PKHD1L1: variants seen among roughly 807,000 people sequenced by gnomAD.
PKHD1L1 encodes the protein fibrocystin-L.
In PKHD1L1, 434 loss-of-function variants were observed where a neutral mutation model predicts 462.9. The ratio of observed to expected loss-of-function variants is 0.94; its 90% CI spans 0.87 to 1.02. The LOEUF is 1.02. PKHD1L1 is among the 50% of genes least tolerant of loss of function. The pLI, the probability that PKHD1L1 is intolerant of heterozygous loss-of-function variation, is 0.00. For missense variants in PKHD1L1, 5,202 were observed against 5,096.1 expected (o/e 1.02, Z -0.63); for synonymous variants, 1,781 against 1,750.0 (o/e 1.02, Z -0.44).
intron 14 of PKHD1L1, among the ~76,000 whole-genome samples, chr8:109,402,124 T>C (rs1470990736): frequency 1.3e-5 from 2 of 152,200 alleles, no homozygotes; most frequent in Non-Finnish European, 2.9e-5. Context: ...ATCATCCAAA[T>C]ACCAGATAAT....
At chr8:109,384,566 A>G (rs1157350865) in intron 5 of PKHD1L1, among the ~76,000 whole-genome samples, 3 of 152,026 alleles carry the variant, frequency 2.0e-5, no homozygotes, top group Non-Finnish European at 4.4e-5. Context: ...TAAAAAATTG[A>G]TTTTCAATGG....
At chr8:109,466,087 GT>G (rs1349962840) in intron 49 of PKHD1L1, among the ~76,000 whole-genome samples, 1 of 152,178 alleles carries the variant, frequency 6.6e-6, no homozygotes, top group Non-Finnish European at 1.5e-5. Context: ...CAAAAGTTGA[GT>G]TTTCAACCAC....
rs774988007 is a variant in PKHD1L1, at chr8:109,438,971, G to A, written c.3835G>A (p.Gly1279Arg). 9 of 1,613,488 alleles carry A rather than the reference G, an allele frequency of 5.6e-6. No individual in the cohort carries two copies. The East Asian group carries it at 2.0e-4, about 36-fold the overall frequency. ...LTQNMAVYVG[G>R]KTCQILHWNF... ...ACAAAACATGGCGGTGTATGTTGGA[G>A]GAAAAACCTGCCAGATTCTTCACTG... is the stretch of plus-strand genomic sequence containing the variant. Residue 1279 changes from glycine to arginine, a missense_variant, in exon 32 of 78, where the codon GGA becomes AGA. By Grantham distance (125) the Gly-to-Arg change is moderately radical (BLOSUM62 -2). Coordinates refer to ENST00000378402, the MANE Select transcript of PKHD1L1 (RefSeq NM_177531.6).
Position 109,454,233 on chromosome 8 carries a change from G to C in PKHD1L1, c.6731G>C (p.Gly2244Ala), listed in dbSNP as rs1335739534. The change falls in exon 44 of 78, where the codon GGA (glycine) becomes GCA (alanine). Residue 2244 changes from glycine (G) to alanine (A), a missense_variant. Physicochemically the swap from Gly to Ala is moderately conservative, Grantham distance 60. Around this residue, in one of 3 missense-constraint regions of PKHD1L1, gnomAD observed 4,497 missense variants for 4,336.8 expected, o/e 1.04. Coordinates refer to ENST00000378402, the MANE Select transcript of PKHD1L1 (RefSeq NM_177531.6). ...LQAENILITD[G>A]GVLQIGTETS... ...GCAGAAAATATTCTAATTACAGATG[G>C]AGGTGTTCTTCAGGTATTCAAAAGA... 4.4e-6 allele frequency: 7 copies of C among 1,603,818 alleles called. No individual in the cohort carries two copies. The highest frequency in any genetic ancestry group is 6.0e-6 in the Non-Finnish European group (7 of 1,174,728).
chr8:109,415,178 T>C (rs577813707), intron 21 of PKHD1L1, among the ~76,000 whole-genome samples: 1 of 151,772 alleles, frequency 6.6e-6, no homozygotes, highest in South Asian at 2.1e-4. Context: ...AATTTTTTTG[T>C]TTTTGTAGAG....
rs1485902588 is a variant in PKHD1L1 at position 109,456,301 on chromosome 8, C to T, written c.6914C>T (p.Thr2305Ile). ...VPVTWTRLAH[T>I]AKAGERILIL... The stretch of plus-strand genomic sequence containing the variant: ...GTGACCTGGACTCGCTTGGCTCATA[C>T]TGCAAAGGCAGGGGAAAGAATTTTA... Residue 2305 changes from threonine to isoleucine, a missense_variant, in exon 46 of 78, where the codon ACT (threonine) becomes ATT (isoleucine). Transcript: ENST00000378402. 5 of 1,612,672 alleles carry T rather than the reference C, an allele frequency of 3.1e-6. No individual in the cohort carries two copies. In the African/African-American group the frequency reaches 4.0e-5, roughly 13 times the overall value.
At chr8:109,392,943 C>A (rs1812782081) in intron 9 of PKHD1L1, among the ~76,000 whole-genome samples, 1 of 152,072 alleles carries the variant, frequency 6.6e-6, no homozygotes, top group African/African-American at 2.4e-5. Context: ...TTGAGAAATG[C>A]CTAGTCATTA....
intron 46 of PKHD1L1, 101 bp downstream of exon 46, chr8:109,456,492 C>G (rs1816834985): frequency 8.7e-7 from 1 of 1,149,186 alleles, no homozygotes; most frequent in African/African-American, 1.6e-5. Flanking sequence ...TTGGTTTAAA[C>G]TTGAAATCTC....
Position 109,445,017 on chromosome 8 carries a change from TG to T in PKHD1L1, c.5149del (p.Ala1717LeufsTer8). The T allele has an allele frequency of 6.2e-7, 1 of 1,614,020 alleles. No homozygotes were observed. Among genetic ancestry groups the T allele is most frequent in the Non-Finnish European group, 8.5e-7 (1 of 1,179,890 alleles). Reference protein sequence around the residue: ...YTAIECETSPAAQQLVDVDLL... With the variant: ...YTAIECETSPXAQQLVDVDLL... ...CGGCCATTGAATGTGAAACATCCCC[TG>T]CTGCCCAACAGCTTGTGGATGTAGA... On this transcript the variant is annotated frameshift_variant, in exon 38 of 78. Transcript: ENST00000378402. LOFTEE classifies it high-confidence loss of function.
intron 65 of PKHD1L1, among the ~76,000 whole-genome samples, chr8:109,497,521 C>T (rs1819169294): frequency 6.6e-6 from 1 of 150,974 alleles, no homozygotes; most frequent in African/African-American, 2.4e-5. Flanking sequence ...CAAACTCTGC[C>T]TCCCGGGTTC....
rs756569343 is a variant in PKHD1L1 at position 109,445,010 on chromosome 8, C to T, written c.5141C>T (p.Thr1714Ile). Residue 1714 changes from threonine (T) to isoleucine (I), a missense_variant, in exon 38 of 78, where the codon ACA becomes ATA. By Grantham distance (89) the Thr-to-Ile change is moderately conservative (BLOSUM62 -1). Transcript: ENST00000378402. ...SVNYTAIECE[T>I]SPAAQQLVDV... ...AATTATACGGCCATTGAATGTGAAACATCCCCTGCTGCCCAACAGCTTGTG... is the reference window on the plus strand; with the variant it reads ...AATTATACGGCCATTGAATGTGAAATATCCCCTGCTGCCCAACAGCTTGTG... 17 of 1,613,816 alleles carry T rather than the reference C, an allele frequency of 1.1e-5. No homozygotes were observed. Among genetic ancestry groups the T allele is most frequent in the East Asian group, 8.9e-5 (4 of 44,884 alleles).
chr8:109,497,461 C>T (rs375584631), intron 65 of PKHD1L1, among the ~76,000 whole-genome samples, 189 bp downstream of exon 65: 101 of 133,130 alleles, frequency 7.6e-4, no homozygotes, highest in African/African-American at 2.6e-3. Context: ...GAGATGGAGT[C>T]TCGCTCCGTA....
rs1169267993 is a variant in PKHD1L1, at chr8:109,364,619, T to C, written c.146T>C (p.Leu49Pro). The change falls in exon 2 of 78, where the codon CTG (leucine) becomes CCG (proline). Residue 49 changes from leucine (L) to proline (P), a missense_variant. Leu to Pro is a moderately conservative substitution (Grantham distance 98, BLOSUM62 -3). Around this residue, in one of 3 missense-constraint regions of PKHD1L1, gnomAD observed 4,497 missense variants for 4,336.8 expected, o/e 1.04. Transcript: ENST00000378402. Reference sequence around the variant, plus strand: ...GGCAGTATAAATGGAGCAACAAGGCTGACTATAAGAGGGGAAGGTATCGTT... The same window carrying C: ...GGCAGTATAAATGGAGCAACAAGGCCGACTATAAGAGGGGAAGGTATCGTT... ...KYGSINGATR[L>P]TIRGEGFSQA... 1 of 1,565,108 alleles carries C rather than the reference T, an allele frequency of 6.4e-7. No individual in the cohort carries two copies. Among genetic ancestry groups the C allele is most frequent in the South Asian group, 1.1e-5 (1 of 87,828 alleles).
chr8:109,447,333 A>G (rs760223266), intron 38 of PKHD1L1, among the ~76,000 whole-genome samples: 1 of 152,198 alleles, frequency 6.6e-6, no homozygotes, highest in African/African-American at 2.4e-5. Context: ...AATCCTCACT[A>G]TGGTCAATTA....
chr8:109,486,740 G>A lies in PKHD1L1; in HGVS notation c.9799G>A (p.Asp3267Asn). The change falls in exon 59 of 78, where the codon GAT becomes AAT. Residue 3267 changes from aspartate to asparagine, a missense_variant. By Grantham distance (23) the Asp-to-Asn change is conservative. Around this residue, in one of 3 missense-constraint regions of PKHD1L1, gnomAD observed 4,497 missense variants for 4,336.8 expected, o/e 1.04. Coordinates refer to ENST00000378402, the MANE Select transcript of PKHD1L1 (RefSeq NM_177531.6). ...TAGGAACATCAAAATAGTTGGTGAA[G>A]ATTACCCCGGTTGGTCTGAGGACTC... ...LSRNIKIVGE[D>N]YPGWSEDSFG... 1 of 1,612,524 alleles carries A rather than the reference G, an allele frequency of 6.2e-7. No homozygotes were observed. The highest frequency in any genetic ancestry group is 8.5e-7 in the Non-Finnish European group (1 of 1,178,888).
At chr8:109,388,403 A>T (rs909927564) in intron 6 of PKHD1L1, 94 bp from the exon 7 acceptor site, 1 of 887,584 alleles carries the variant, frequency 1.1e-6, no homozygotes, top group East Asian at 2.6e-5. Flanking sequence ...GAGAAAAAAA[A>T]TTTAAGGGAA....
intron 23 of PKHD1L1, among the ~76,000 whole-genome samples, chr8:109,422,794 TA>T (rs752425516): frequency 4.6e-5 from 7 of 152,198 alleles, no homozygotes; most frequent in Admixed American, 1.3e-4. Flanking sequence ...GAAACTACCA[TA>T]TTTTTTTTCT....
chr8:109,416,826 T>G (rs984151967), intron 21 of PKHD1L1, among the ~76,000 whole-genome samples: 2 of 152,210 alleles, frequency 1.3e-5, no homozygotes, highest in Non-Finnish European at 2.9e-5. Context: ...AGTCCATCTT[T>G]ATGAAGCAGA....
At chr8:109,372,189 G>A (rs1450326203) in intron 2 of PKHD1L1, among the ~76,000 whole-genome samples, 4 of 152,100 alleles carry the variant, frequency 2.6e-5, no homozygotes, top group Admixed American at 1.3e-4. Context: ...TTGAGCAGTG[G>A]TTTGTAGTTC....
Sources: allele counts gnomAD v4.1 joint callset (sites outside exome capture counted in the v4.1 genomes callset), GRCh38; gene constraint gnomAD v4.1.1; regional missense constraint gnomAD v4.1.1; transcripts MANE v1.5; gene names NCBI Gene and HGNC (gene_info 2026-07-23, HGNC 2026-07-21).